The following TLE1 variants were observed in gnomAD, a reference collection of about 807,000 sequenced individuals.
The protein encoded by TLE1 is transducin-like enhancer protein 1.
A neutral mutation model predicts 89.8 loss-of-function variants in TLE1; 21 were observed. The ratio of observed to expected loss-of-function variants is 0.23; its 90% CI spans 0.17 to 0.34. The LOEUF (loss-of-function observed/expected upper bound fraction) is 0.34, where lower values mean the gene tolerates loss of function less well. Ranked by LOEUF, TLE1 falls within the 10% of genes least tolerant of loss-of-function variation. The pLI, the probability that TLE1 is intolerant of heterozygous loss-of-function variation, is 1.00. For synonymous variants in TLE1, 447 were observed against 407.6 expected, an observed-to-expected ratio of 1.10 and a Z score of -1.16; for missense variants, 795 against 1,031.2, an observed-to-expected ratio of 0.77 and a Z score of 3.14.
At chr9:81,610,438 A>G in intron 13 of TLE1, 142 bp from the exon 14 acceptor site, 1 of 664,912 alleles carries the variant, frequency 1.5e-6, no homozygotes, top group East Asian at 2.7e-5. Flanking sequence ...TTTCTTTTTA[A>G]TTACTATGCA....
chr9:81,676,917 G>A (rs1453270641), intron 4 of TLE1, among the ~76,000 whole-genome samples: 1 of 152,198 alleles, frequency 6.6e-6, no homozygotes, highest in African/African-American at 2.4e-5. Flanking sequence ...GTATACAACA[G>A]TGTAATACAA....
At chr9:81,601,135 C>T (rs1259622984) in intron 14 of TLE1, among the ~76,000 whole-genome samples, 1 of 152,138 alleles carries the variant, frequency 6.6e-6, no homozygotes, top group African/African-American at 2.4e-5. Context: ...AAAAAGAGGG[C>T]TGAATCAATT....
intron 4 of TLE1, among the ~76,000 whole-genome samples, chr9:81,664,797 G>C (rs1038004695): frequency 1.3e-5 from 2 of 152,142 alleles, no homozygotes; most frequent in Non-Finnish European, 2.9e-5. Flanking sequence ...GCGTACACGA[G>C]GATGGTCTTG....
intron 4 of TLE1, among the ~76,000 whole-genome samples, chr9:81,677,012 G>A (rs1317763841): frequency 3.3e-5 from 5 of 150,658 alleles, no homozygotes; most frequent in Admixed American, 1.3e-4. Context: ...CAAAATGGAC[G>A]GATCACTTGA....
At chr9:81,652,083 T>C (rs1829615757) in intron 6 of TLE1, 131 bp downstream of exon 6, 1 of 872,516 alleles carries the variant, frequency 1.1e-6, no homozygotes, top group Non-Finnish European at 1.8e-6. Flanking sequence ...CTCCCACCCT[T>C]ATCAAATAGG....
At chr9:81,597,403 G>A (rs1160649111) in intron 14 of TLE1, among the ~76,000 whole-genome samples, 1 of 152,178 alleles carries the variant, frequency 6.6e-6, no homozygotes, top group Non-Finnish European at 1.5e-5. Context: ...AAGCACAAGG[G>A]CAGTGATGAG....
intron 6 of TLE1, among the ~76,000 whole-genome samples, chr9:81,648,641 A>C (rs1031790998): frequency 6.6e-6 from 1 of 152,240 alleles, no homozygotes; most frequent in Non-Finnish European, 1.5e-5. Context: ...CAGAGCAGGT[A>C]GAAGAGAGCT....
At chr9:81,609,774 G>C (rs1328263491) in intron 14 of TLE1, among the ~76,000 whole-genome samples, 2 of 152,164 alleles carry the variant, frequency 1.3e-5, no homozygotes, top group Non-Finnish European at 1.5e-5. Context: ...ATAAGAAAAA[G>C]GTGGCACAGA....
At chr9:81,653,695 C>G (rs1209784623) in intron 5 of TLE1, among the ~76,000 whole-genome samples, 1 of 152,128 alleles carries the variant, frequency 6.6e-6, no homozygotes. Context: ...TTCAGTAGCT[C>G]TCAAGCTTAT....
Position 81,609,233 on chromosome 9 carries a change from T to C in TLE1, c.1331+987A>G, listed in dbSNP as rs564884205. On this transcript the variant is annotated intron_variant, in intron 14 of 19. Coordinates refer to ENST00000376499, the MANE Select transcript of TLE1 (RefSeq NM_005077.5). ...CCGAGTAGCTGGGATTACAGGCACA[T>C]ACCACCACGCCCAGCTAATTTTTGT... Among the ~76,000 whole-genome samples the C allele has an allele frequency of 8.7e-4, 132 of 152,136 alleles. 1 individual carries two copies. Among genetic ancestry groups the C allele is most frequent in the African/African-American group, 2.6e-3 (109 of 41,522 alleles).
At position 81,623,977 on chromosome 9, in the gene TLE1, T is replaced by C. The variant is rs1825610393; in HGVS notation, c.595-3420A>G. 2.6e-5 allele frequency among the ~76,000 whole-genome samples: 4 copies of C among 152,178 alleles called. No homozygotes were observed. In the South Asian group the frequency reaches 8.3e-4, roughly 32 times the overall value. On this transcript the variant is annotated intron_variant, in intron 8 of 19. Transcript: ENST00000376499. ...TGTCCAGAGACAGAGGTGATTTGCC[T>C]GAGGCCAAGCGGCTCTGTCCACCAC... is the stretch of plus-strand genomic sequence containing the variant.
intron 2 of TLE1, 106 bp from the exon 3 acceptor site, chr9:81,686,002 G>T: frequency 1.7e-6 from 2 of 1,205,988 alleles, no homozygotes; most frequent in Non-Finnish European, 2.4e-6. Context: ...ATTTGGAAAA[G>T]CCATAAACTA....
chr9:81,604,952 T>C (rs1350830183), intron 14 of TLE1, among the ~76,000 whole-genome samples: 2 of 152,188 alleles, frequency 1.3e-5, no homozygotes, highest in Non-Finnish European at 2.9e-5. Flanking sequence ...CAAGAGCACA[T>C]ATCACAAGTC....
chr9:81,626,537 G>C (rs973556432), intron 8 of TLE1, among the ~76,000 whole-genome samples: 2 of 152,166 alleles, frequency 1.3e-5, no homozygotes, highest in African/African-American at 2.4e-5. Flanking sequence ...TTGAAAATCT[G>C]TCCACTGGCA....
intron 8 of TLE1, among the ~76,000 whole-genome samples, chr9:81,629,312 A>G (rs1401440648): frequency 6.6e-6 from 1 of 152,166 alleles, no homozygotes; most frequent in Non-Finnish European, 1.5e-5. Context: ...ATTAATTAAA[A>G]TATCTAAAGT....
intron 4 of TLE1, among the ~76,000 whole-genome samples, chr9:81,667,081 C>T (rs1303156044): frequency 6.6e-6 from 1 of 152,006 alleles, no homozygotes; most frequent in African/African-American, 2.4e-5. Context: ...TTGATTAAGC[C>T]ACTGCACTCC....
intron 4 of TLE1, among the ~76,000 whole-genome samples, chr9:81,678,776 G>A (rs1309986830): frequency 6.6e-6 from 1 of 151,918 alleles, no homozygotes; most frequent in Non-Finnish European, 1.5e-5. Flanking sequence ...GGAGGTAGAG[G>A]TTGCAGTGAG....
intron 4 of TLE1, among the ~76,000 whole-genome samples, chr9:81,674,646 A>C: frequency 6.6e-6 from 1 of 152,214 alleles, no homozygotes; most frequent in East Asian, 1.9e-4. Context: ...GGTAAAGTAT[A>C]AGTCAAGTTT....
intron 9 of TLE1, 113 bp from the exon 10 acceptor site, chr9:81,616,812 G>T: frequency 8.7e-7 from 1 of 1,146,852 alleles, no homozygotes; most frequent in South Asian, 1.3e-5. Context: ...AACTACCTGG[G>T]ACAGGCCTGC....
Sources: allele counts gnomAD v4.1 joint callset (sites outside exome capture counted in the v4.1 genomes callset), GRCh38; gene constraint gnomAD v4.1.1; transcripts MANE v1.5; gene names NCBI Gene and HGNC (gene_info 2026-07-23, HGNC 2026-07-21).